The following HRNR variants were observed in gnomAD, a reference collection of about 807,000 sequenced individuals.
HRNR encodes hornerin.
A neutral mutation model predicts 4.8 loss-of-function variants in HRNR; 7 were observed. The ratio of observed to expected loss-of-function variants is 1.47; its 90% CI spans 0.83 to 2.75. The LOEUF (loss-of-function observed/expected upper bound fraction) is 2.75, where lower values mean the gene tolerates loss of function less well. Ranked by LOEUF, HRNR falls within the 30% of genes most tolerant of loss-of-function variation. The pLI is 0.00. For synonymous variants in HRNR, 1,023 were observed against 1,242.7 expected, an observed-to-expected ratio of 0.82 and a Z score of 3.72; for missense variants, 2,879 against 3,010.4, an observed-to-expected ratio of 0.96 and a Z score of 1.02.
At chr1:152,223,008 C>T in intron 2 of HRNR, 108 bp downstream of exon 2, 1 of 1,160,060 alleles carries the variant, frequency 8.6e-7, no homozygotes, top group Non-Finnish European at 1.3e-6. Flanking sequence ...TGTTCTCTCT[C>T]ACCAAGTAAG....
At position 152,220,821 on chromosome 1, in the gene HRNR, C is replaced by G. The variant is rs1557846357; in HGVS notation, c.808G>C (p.Gly270Arg). 6.2e-7 allele frequency: 1 copy of G among 1,613,488 alleles called. No individual in the cohort carries two copies. The change falls in exon 3 of 3, where the codon GGT becomes CGT. Residue 270 changes from glycine to arginine, a missense_variant. By Grantham distance (125) the Gly-to-Arg change is moderately radical. This residue lies in a region of HRNR where 2,646 missense variants were observed against 1,377.7 expected (regional missense o/e 1.92). Transcript: ENST00000368801. ...HGSRSGQSSR[G>R]ERHRSSSGSS... ...CCTGAGCTAGATCTGTGTCGTTCACCCCTAGATGACTGTCCTGACCTAGAG... is the reference window on the plus strand; with the variant it reads ...CCTGAGCTAGATCTGTGTCGTTCACGCCTAGATGACTGTCCTGACCTAGAG...
chr1:152,220,343 C>A lies in HRNR; in HGVS notation c.1286G>T (p.Arg429Leu). The change falls in exon 3 of 3, where the codon CGT (arginine) becomes CTT (leucine). Residue 429 changes from arginine (R) to leucine (L), a missense_variant. Arg to Leu is a moderately radical substitution (Grantham distance 102). Around this residue, in one of 8 missense-constraint regions of HRNR, gnomAD observed 2,646 missense variants for 1,377.7 expected, o/e 1.92. Coordinates refer to ENST00000368801, the MANE Select transcript of HRNR (RefSeq NM_001009931.3). The stretch of plus-strand genomic sequence containing the variant: ...GGGAGACTGCCCTGACCCAGACCCA[C>A]GCTGGCCGTGGCCTGGAGACTGGCC... ...GSGQSPGHGQ[R>L]GSGSGQSPSS... 1 of 1,613,114 alleles carries A rather than the reference C, an allele frequency of 6.2e-7. No individual in the cohort carries two copies. Among genetic ancestry groups the A allele is most frequent in the African/African-American group, 1.3e-5 (1 of 74,904 alleles).
Position 152,220,049 on chromosome 1 carries a change from G to T in HRNR, c.1580C>A (p.Ser527Tyr). 6.2e-7 allele frequency: 1 copy of T among 1,614,030 alleles called. No homozygotes were observed. Among genetic ancestry groups the T allele is most frequent in the Non-Finnish European group, 8.5e-7 (1 of 1,179,950 alleles). The change falls in exon 3 of 3, where the codon TCT (serine) becomes TAT (tyrosine). Residue 527 changes from serine (S) to tyrosine (Y), a missense_variant. Ser to Tyr is a moderately radical substitution (Grantham distance 144). Around this residue, in one of 8 missense-constraint regions of HRNR, gnomAD observed 2,646 missense variants for 1,377.7 expected, o/e 1.92. Coordinates refer to ENST00000368801, the MANE Select transcript of HRNR (RefSeq NM_001009931.3). ...YGQHGSGSRQ[S>Y]LGHSRHGSGS... ...AGACCCATGTCGGCTGTGTCCCAAA[G>T]ATTGACGGGAGCCAGACCCATGCTG...
rs140024692 is a variant in HRNR at position 152,218,669 on chromosome 1, C to G, written c.2960G>C (p.Gly987Ala). The change falls in exon 3 of 3, where the codon GGG becomes GCG. Residue 987 changes from glycine to alanine, a missense_variant. By Grantham distance (60) the Gly-to-Ala change is moderately conservative. Transcript: ENST00000368801. The stretch of plus-strand genomic sequence containing the variant: ...GCCCAAAGACTGACGGGAGCCAGAC[C>G]CATGCTGACCATAGCTGGAAGACGA... ...SGSSSSYGQH[G>A]SGSRQSLGHG... The G allele has an allele frequency of 6.9e-5, 112 of 1,613,450 alleles. No homozygotes were observed. The Admixed American group carries it at 1.5e-3, about 22-fold the overall frequency.
rs1434731822 is a variant in HRNR at position 152,212,214 on chromosome 1, G to T, written c.*862C>A. ...ATACTCTTCCTTTTCATCTGGGCATGGATGATATTTTTTCAGGTGGAAACG... is the reference window on the plus strand; with the variant it reads ...ATACTCTTCCTTTTCATCTGGGCATTGATGATATTTTTTCAGGTGGAAACG... On this transcript the variant is annotated 3_prime_UTR_variant, in exon 3 of 3. Coordinates refer to ENST00000368801, the MANE Select transcript of HRNR (RefSeq NM_001009931.3). 4 of 152,250 alleles carry T rather than the reference G, an allele frequency of 2.6e-5. No homozygotes were observed. The East Asian group carries it at 5.8e-4, about 22-fold the overall frequency. The allele number at this position is 152,250 out of a possible 1,614,324, so 9.4% of individuals were successfully genotyped here.
At position 152,212,495 on chromosome 1, in the gene HRNR, TTAAA is replaced by T. The variant is rs1376236281; in HGVS notation, c.*577_*580del. ...TTTATGCCACTAATTAACTTACTGA[TTAAA>T]TATATACCCAAGAAAAAGGACTTGA... On this transcript the variant is annotated 3_prime_UTR_variant, in exon 3 of 3. Coordinates refer to ENST00000368801, the MANE Select transcript of HRNR (RefSeq NM_001009931.3). 1.9e-5 allele frequency: 3 copies of T among 154,082 alleles called. No homozygotes were observed. The highest frequency in any genetic ancestry group is 4.3e-5 in the Non-Finnish European group (3 of 69,376). The allele number at this position is 154,082 out of a possible 1,614,324, so 9.5% of individuals were successfully genotyped here. A position where few individuals can be genotyped will look rare whatever the true frequency, so the allele number is the denominator to read the frequency against.
chr1:152,218,330 G>T lies in HRNR; in HGVS notation c.3299C>A (p.Ser1100Tyr), dbSNP rs1361799715. ...GCCAGAGCCATGCTGACCGTGGCTG[G>T]AAGACTGACCTGAGCTAGCTCCATG... ...GQHGASSGQS[S>Y]SHGQHGSGSS... The change falls in exon 3 of 3, where the codon TCC (serine) becomes TAC (tyrosine). Residue 1100 changes from serine to tyrosine, a missense_variant. By Grantham distance (144) the Ser-to-Tyr change is moderately radical. Transcript: ENST00000368801. 1.2e-6 allele frequency: 2 copies of T among 1,610,676 alleles called. No individual in the cohort carries two copies. Among genetic ancestry groups the T allele is most frequent in the East Asian group, 4.5e-5 (2 of 44,642 alleles).
At position 152,221,378 on chromosome 1, in the gene HRNR, G is replaced by A; in HGVS notation, c.251C>T (p.Ala84Val). The A allele has an allele frequency of 9.3e-6, 15 of 1,613,912 alleles. No homozygotes were observed. Among genetic ancestry groups the A allele is most frequent in the Non-Finnish European group, 1.1e-5 (13 of 1,180,006 alleles). Residue 84 changes from alanine (A) to valine (V), a missense_variant, in exon 3 of 3, where the codon GCT becomes GTT. By Grantham distance (64) the Ala-to-Val change is moderately conservative. This residue lies in a region of HRNR where 2,646 missense variants were observed against 1,377.7 expected (regional missense o/e 1.92). Coordinates refer to ENST00000368801, the MANE Select transcript of HRNR (RefSeq NM_001009931.3). The part of the protein sequence containing the change: ...YLLMIFKLVQ[A>V]RNKIIGKDYC... ...ATCTTTGCCAATGATTTTATTACGA[G>A]CCTGAACCAGCTTGAATATCATCAG...
chr1:152,218,922 A>T lies in HRNR; in HGVS notation c.2707T>A (p.Ser903Thr), dbSNP rs1345447788. The T allele has an allele frequency of 6.2e-7, 1 of 1,613,494 alleles. No individual in the cohort carries two copies. Among genetic ancestry groups the T allele is most frequent in the Non-Finnish European group, 8.5e-7 (1 of 1,179,906 alleles). ...HGQRGSGSGQ[S>T]PSYGRHGSGS... is the part of the protein sequence containing the mutation. ...GACCCATGTCGGCCATAGCTGGGAG[A>T]CTGCCCTGACCCAGACCCACGCTGG... The change falls in exon 3 of 3, where the codon TCT becomes ACT. Residue 903 changes from serine (S) to threonine (T), a missense_variant. By Grantham distance (58) the Ser-to-Thr change is moderately conservative (BLOSUM62 1). Coordinates refer to ENST00000368801, the MANE Select transcript of HRNR (RefSeq NM_001009931.3).
intron 2 of HRNR, among the ~76,000 whole-genome samples, 198 bp downstream of exon 2, chr1:152,222,918 G>T (rs187957847): frequency 3.9e-4 from 60 of 152,286 alleles, no homozygotes; most frequent in Admixed American, 1.8e-3. Flanking sequence ...TTGTTGTTTA[G>T]TAAGGTCACT....
rs138105602 is a variant in HRNR, at chr1:152,213,168, C to T, written c.8461G>A (p.Gly2821Arg). The change falls in exon 3 of 3, where the codon GGG becomes AGG. Residue 2821 changes from glycine to arginine, a missense_variant. By Grantham distance (125) the Gly-to-Arg change is moderately radical. This residue lies in a region of HRNR where 158 missense variants were observed against 107.6 expected (regional missense o/e 1.47). Coordinates refer to ENST00000368801, the MANE Select transcript of HRNR (RefSeq NM_001009931.3). ...SYCKGGSNHD[G>R]GSSGSYFLSF... ...AGAAAATATGAGCCAGAACTTCCCC[C>T]ATCATGGTTACTTCCTCCTTTGCAA... The T allele has an allele frequency of 1.5e-5, 24 of 1,613,944 alleles. No homozygotes were observed. In the African/African-American group the frequency reaches 2.5e-4, roughly 17 times the overall value.
At position 152,218,507 on chromosome 1, in the gene HRNR, T is replaced by C. The variant is rs1353769778; in HGVS notation, c.3122A>G (p.Glu1041Gly). Residue 1041 changes from glutamate (E) to glycine (G), a missense_variant, in exon 3 of 3, where the codon GAG (glutamate) becomes GGG (glycine). Physicochemically the swap from Glu to Gly is moderately conservative, Grantham distance 98. Around this residue, in one of 8 missense-constraint regions of HRNR, gnomAD observed 2,646 missense variants for 1,377.7 expected, o/e 1.92. Coordinates refer to ENST00000368801, the MANE Select transcript of HRNR (RefSeq NM_001009931.3). ...GCCAGAAGAGTGACCGGAGCCAGAC[T>C]CATATGGGCCACGGCTTGAAGACCA... ...SGWSSSRGPY[E>G]SGSGHSSGLG... 6 of 1,612,268 alleles carry C rather than the reference T, an allele frequency of 3.7e-6. No individual in the cohort carries two copies. The highest frequency in any genetic ancestry group is 8.5e-7 in the Non-Finnish European group (1 of 1,179,792).
intron 2 of HRNR, 63 bp from the exon 3 acceptor site, chr1:152,221,553 A>G: frequency 8.1e-7 from 1 of 1,234,190 alleles, no homozygotes. Flanking sequence ...TGGCTAACGA[A>G]CTGAAGGAAA....
At position 152,219,353 on chromosome 1, in the gene HRNR, G is replaced by A. The variant is rs760292814; in HGVS notation, c.2276C>T (p.Ser759Phe). 6.2e-7 allele frequency: 1 copy of A among 1,613,912 alleles called. No individual in the cohort carries two copies. Among genetic ancestry groups the A allele is most frequent in the South Asian group, 1.1e-5 (1 of 91,076 alleles). The change falls in exon 3 of 3, where the codon TCC (serine) becomes TTC (phenylalanine). Residue 759 changes from serine (S) to phenylalanine (F), a missense_variant. By Grantham distance (155) the Ser-to-Phe change is radical. Transcript: ENST00000368801. Reference sequence around the variant, plus strand: ...TCGGCCGTGGCCCGAAGATTGATGGGAGCCCGACCCATGCTGACCATAGCT... The same window carrying A: ...TCGGCCGTGGCCCGAAGATTGATGGAAGCCCGACCCATGCTGACCATAGCT... Reference protein sequence around the residue: ...SSSYGQHGSGSHQSSGHGRQG... With the variant: ...SSSYGQHGSGFHQSSGHGRQG...
Position 152,218,937 on chromosome 1 carries a change from A to T in HRNR, c.2692T>A (p.Ser898Thr), listed in dbSNP as rs770963877. 10 of 1,613,388 alleles carry T rather than the reference A, an allele frequency of 6.2e-6. No individual in the cohort carries two copies. The highest frequency in any genetic ancestry group is 8.5e-6 in the Non-Finnish European group (10 of 1,179,892). Reference sequence around the variant, plus strand: ...TAGCTGGGAGACTGCCCTGACCCAGACCCACGCTGGCCGTGGCCTGGAGAC... The same window carrying T: ...TAGCTGGGAGACTGCCCTGACCCAGTCCCACGCTGGCCGTGGCCTGGAGAC... ...GQSPGHGQRG[S>T]GSGQSPSYGR... The change falls in exon 3 of 3, where the codon TCT becomes ACT. Residue 898 changes from serine (S) to threonine (T), a missense_variant. Physicochemically the swap from Ser to Thr is moderately conservative, Grantham distance 58 (BLOSUM62 1). Transcript: ENST00000368801.
chr1:152,219,035 G>C lies in HRNR; in HGVS notation c.2594C>G (p.Ser865Cys), dbSNP rs1446159252. 1 of 1,614,092 alleles carries C rather than the reference G, an allele frequency of 6.2e-7. No individual in the cohort carries two copies. The highest frequency in any genetic ancestry group is 8.5e-7 in the Non-Finnish European group (1 of 1,180,024). ...GGCAGACTCATGCTGACCATAGCTG[G>C]AAGATTGACCTGAGCTAGAGTCATG... Reference protein sequence around the residue: ...GQHDSSSGQSSSYGQHESASH... With the variant: ...GQHDSSSGQSCSYGQHESASH... Residue 865 changes from serine (S) to cysteine (C), a missense_variant, in exon 3 of 3, where the codon TCC (serine) becomes TGC (cysteine). Ser to Cys is a moderately radical substitution (Grantham distance 112). This residue lies in a region of HRNR where 2,646 missense variants were observed against 1,377.7 expected (regional missense o/e 1.92). Coordinates refer to ENST00000368801, the MANE Select transcript of HRNR (RefSeq NM_001009931.3).
At chr1:152,223,424 A>C in intron 1 of HRNR, 146 bp from the exon 2 acceptor site, 1 of 577,332 alleles carries the variant, frequency 1.7e-6, no homozygotes, top group Non-Finnish European at 2.9e-6. Context: ...ACCAATTCAG[A>C]GTTGAATGAC....
intron 2 of HRNR, 120 bp downstream of exon 2, chr1:152,222,996 C>T (rs1385622349): frequency 2.9e-6 from 3 of 1,023,570 alleles, no homozygotes; most frequent in Non-Finnish European, 2.9e-6. Context: ...TTTACCAAAC[C>T]CTGTTCTCTC....
intron 2 of HRNR, 24 bp from the exon 3 acceptor site, chr1:152,221,514 A>C (rs11204938): frequency 1.9e-5 from 30 of 1,542,676 alleles, no homozygotes; most frequent in Non-Finnish European, 1.3e-5. Context: ...AGGTACAAAG[A>C]GTAGCTCTGT....
Sources: gnomAD v4.1 joint callset for allele counts (sites outside exome capture counted in the v4.1 genomes callset) on GRCh38, gnomAD v4.1.1 for gene constraint, gnomAD v4.1.1 regional missense constraint, MANE v1.5 for transcripts, NCBI Gene and HGNC (gene_info 2026-07-23, HGNC 2026-07-21) for gene names.